Variants in MAN2A1 observed in about 807,000 individuals in gnomAD.
MAN2A1 encodes the protein alpha-mannosidase 2.
Under a neutral mutation model 142.6 loss-of-function variants are expected in MAN2A1, and 76 were observed. That is an observed-to-expected ratio of 0.53 (90% CI 0.44 to 0.65). The LOEUF (loss-of-function observed/expected upper bound fraction) is 0.65. Ranked by LOEUF, MAN2A1 falls within the 30% of genes least tolerant of loss-of-function variation. The pLI is 0.00. For synonymous variants in MAN2A1, 559 were observed against 473.2 expected (o/e 1.18, Z -2.35); for missense variants, 1,311 against 1,365.1 (o/e 0.96, Z 0.62).
chr5:109,818,101 G>A (rs947944460), intron 13 of MAN2A1, among the ~76,000 whole-genome samples: 1 of 152,096 alleles, frequency 6.6e-6, no homozygotes, highest in Non-Finnish European at 1.5e-5. Context: ...TCTAAGAATT[G>A]TTTCTGCTTG....
Position 109,804,622 on chromosome 5 carries a change from T to C in MAN2A1, c.1944-12651T>C, listed in dbSNP as rs186595069. Among the ~76,000 whole-genome samples the C allele has an allele frequency of 1.7e-3, 258 of 152,298 alleles. 1 individual carries two copies. The highest frequency in any genetic ancestry group is 0.014 in the Middle Eastern group (4 of 294). Reference sequence around the variant, plus strand: ...AGTAGGGAGTCTTTCCTAGGACCAATATTGTTTCTAAAAATACTTTGAAAG... The same window carrying C: ...AGTAGGGAGTCTTTCCTAGGACCAACATTGTTTCTAAAAATACTTTGAAAG... On this transcript the variant is annotated intron_variant, in intron 12 of 21. Coordinates refer to ENST00000261483, the MANE Select transcript of MAN2A1 (RefSeq NM_002372.4).
chr5:109,822,865 G>A (rs910451061), intron 15 of MAN2A1, among the ~76,000 whole-genome samples: 4 of 152,036 alleles, frequency 2.6e-5, no homozygotes, highest in Non-Finnish European at 1.5e-5. Flanking sequence ...TTTTAGTAGA[G>A]ACGGGGTTTC....
chr5:109,707,849 C>G (rs940545258), intron 1 of MAN2A1, among the ~76,000 whole-genome samples: 6 of 152,078 alleles, frequency 3.9e-5, no homozygotes, highest in African/African-American at 1.4e-4. Context: ...GATTAAAGCC[C>G]TTTACTGGAG....
chr5:109,713,078 A>G (rs909737975), intron 1 of MAN2A1, among the ~76,000 whole-genome samples: 1 of 152,144 alleles, frequency 6.6e-6, no homozygotes, highest in African/African-American at 2.4e-5. Context: ...CACTAGTGTT[A>G]AGGGATTGAG....
At position 109,690,364 on chromosome 5, in the gene MAN2A1, G is replaced by A; in HGVS notation, c.-54G>A. The A allele has an allele frequency of 6.2e-7, 1 of 1,605,292 alleles. No homozygotes were observed. The highest frequency in any genetic ancestry group is 1.1e-5 in the South Asian group (1 of 90,870). On this transcript the variant is annotated 5_prime_UTR_variant, in exon 1 of 22. Transcript: ENST00000261483. ...GCGGCTGCTTCCTAGAGTCCACAGTGCGCTGTCTCCTTTGGCTGAGGAGAG... is the reference window on the plus strand; with the variant it reads ...GCGGCTGCTTCCTAGAGTCCACAGTACGCTGTCTCCTTTGGCTGAGGAGAG...
At chr5:109,859,622 G>A (rs971267827) in intron 20 of MAN2A1, among the ~76,000 whole-genome samples, 1 of 152,154 alleles carries the variant, frequency 6.6e-6, no homozygotes, top group African/African-American at 2.4e-5. Flanking sequence ...GAAACCTAGG[G>A]AACATGAACA....
At chr5:109,823,585 C>A (rs1754683163) in intron 15 of MAN2A1, 138 bp from the exon 16 acceptor site, 4 of 538,418 alleles carry the variant, frequency 7.4e-6, no homozygotes, top group Admixed American at 3.5e-5. Context: ...ATTTTGTTAC[C>A]TTGTAAGATC....
At chr5:109,820,185 G>C (rs753646104) in intron 14 of MAN2A1, 35 bp from the exon 15 acceptor site, 1 of 1,553,128 alleles carries the variant, frequency 6.4e-7, no homozygotes, top group African/African-American at 1.4e-5. Context: ...CATCTTAGTG[G>C]TGAGTTGCTT....
chr5:109,823,754 G>A lies in MAN2A1; in HGVS notation c.2483G>A (p.Arg828Lys). The stretch of plus-strand genomic sequence containing the variant: ...GTTTACACAACACCGCCCTTTGTCA[G>A]AGTGACACATGGAAGGATTTATTCG... Reference protein sequence around the residue: ...PYVYTTPPFVRVTHGRIYSEV... With the variant: ...PYVYTTPPFVKVTHGRIYSEV... The change falls in exon 16 of 22, where the codon AGA becomes AAA. Residue 828 changes from arginine (R) to lysine (K), a missense_variant. Transcript: ENST00000261483. The A allele has an allele frequency of 6.2e-7, 1 of 1,608,376 alleles. No individual in the cohort carries two copies. Among genetic ancestry groups the A allele is most frequent in the Non-Finnish European group, 8.5e-7 (1 of 1,177,074 alleles).
At chr5:109,817,539 T>G (rs1754499321) in intron 13 of MAN2A1, 101 bp downstream of exon 13, 5 of 1,179,416 alleles carry the variant, frequency 4.2e-6, no homozygotes, top group Non-Finnish European at 6.1e-6. Context: ...ATCATGTTGG[T>G]GTATGTGAGG....
intron 16 of MAN2A1, among the ~76,000 whole-genome samples, chr5:109,838,384 T>G (rs565094677): frequency 6.6e-6 from 1 of 152,176 alleles, no homozygotes; most frequent in Non-Finnish European, 1.5e-5. Context: ...CCAGAGGGAC[T>G]TAGAAAGCCC....
intron 17 of MAN2A1, among the ~76,000 whole-genome samples, chr5:109,845,442 C>T (rs1755321787): frequency 6.6e-6 from 1 of 151,956 alleles, no homozygotes; most frequent in Non-Finnish European, 1.5e-5. Flanking sequence ...AAAACCAATT[C>T]AAGAATAATA....
At chr5:109,805,031 A>G (rs888713635) in intron 12 of MAN2A1, among the ~76,000 whole-genome samples, 6 of 152,186 alleles carry the variant, frequency 3.9e-5, no homozygotes, top group African/African-American at 1.2e-4. Flanking sequence ...AGTCACCCAT[A>G]AATATAATGT....
At chr5:109,774,658 T>G (rs945621789) in intron 7 of MAN2A1, 130 bp from the exon 8 acceptor site, 1 of 663,440 alleles carries the variant, frequency 1.5e-6, no homozygotes, top group African/African-American at 1.9e-5. Context: ...TGCAGATAGA[T>G]AAAATATACA....
At chr5:109,865,322 T>C in intron 21 of MAN2A1, 176 bp downstream of exon 21, 1 of 587,076 alleles carries the variant, frequency 1.7e-6, no homozygotes, top group Non-Finnish European at 3.1e-6. Context: ...AACTTCAGCC[T>C]CCTTTCCTTG....
intron 4 of MAN2A1, among the ~76,000 whole-genome samples, chr5:109,740,940 T>C (rs767328049): frequency 1.3e-5 from 2 of 152,146 alleles, no homozygotes; most frequent in Non-Finnish European, 2.9e-5. Context: ...TTTCTTAGGT[T>C]GAACCATATA....
At chr5:109,717,470 C>T (rs1751488270) in intron 3 of MAN2A1, among the ~76,000 whole-genome samples, 1 of 152,152 alleles carries the variant, frequency 6.6e-6, no homozygotes, top group Non-Finnish European at 1.5e-5. Flanking sequence ...AATCAATATT[C>T]TGGAAATTTG....
Sources: gnomAD v4.1 joint callset for allele counts (sites outside exome capture counted in the v4.1 genomes callset) on GRCh38, gnomAD v4.1.1 for gene constraint, MANE v1.5 for transcripts, NCBI Gene and HGNC (gene_info 2026-07-23, HGNC 2026-07-21) for gene names.